UMODL1: variants seen among roughly 807,000 people sequenced by gnomAD.
The protein encoded by UMODL1 is uromodulin-like 1.
UMODL1 carries 128 observed loss-of-function variants against 136.3 expected under a neutral mutation model. The observed-to-expected ratio is 0.94, with a 90% CI of 0.81 to 1.09. The LOEUF is 1.09. Ranked by LOEUF, UMODL1 falls within the 50% of genes least tolerant of loss-of-function variation. The probability of loss-of-function intolerance (pLI) is 0.00; values close to 1 mark genes in which losing one functional copy is unlikely to be tolerated. For missense variants in UMODL1, 1,766 were observed against 1,725.6 expected (o/e 1.02, Z -0.41); for synonymous variants, 721 against 720.0 (o/e 1.00, Z -0.02).
chr21:42,111,122 G>A lies in UMODL1; in HGVS notation c.1899+1G>A, dbSNP rs1367662345. On this transcript the variant is annotated splice_donor_variant, in intron 11 of 22. Coordinates refer to ENST00000408910, the MANE Select transcript of UMODL1 (RefSeq NM_001004416.3). LOFTEE classifies it high-confidence loss of function. ...CACAGGAAAAGGCGTGGAGCAGGAG[G>A]TGCCCAGCACTGCCCCGGGTCTGGG... 1.2e-6 allele frequency: 2 copies of A among 1,607,294 alleles called. No individual in the cohort carries two copies. Among genetic ancestry groups the A allele is most frequent in the Non-Finnish European group, 1.7e-6 (2 of 1,177,260 alleles).
At chr21:42,129,174 C>T (rs546208435) in intron 20 of UMODL1, among the ~76,000 whole-genome samples, 2 of 152,256 alleles carry the variant, frequency 1.3e-5, no homozygotes, top group East Asian at 3.9e-4. Context: ...ATGACCTCAG[C>T]TTGATGATCT....
chr21:42,105,032 A>G (rs1569157576), intron 9 of UMODL1, among the ~76,000 whole-genome samples: 1 of 152,212 alleles, frequency 6.6e-6, no homozygotes, highest in Non-Finnish European at 1.5e-5. Flanking sequence ...CTTGGAGCTC[A>G]GCCACGTGCT....
intron 6 of UMODL1, among the ~76,000 whole-genome samples, chr21:42,093,116 G>A (rs2066512179): frequency 6.6e-6 from 1 of 152,268 alleles, no homozygotes; most frequent in Non-Finnish European, 1.5e-5. Flanking sequence ...GAGTTGGGTA[G>A]AGCTCCAGAA....
Position 42,127,762 on chromosome 21 carries a change from C to A in UMODL1, c.3621C>A (p.Asn1207Lys), listed in dbSNP as rs186094454. The A allele has an allele frequency of 1.9e-6, 3 of 1,614,200 alleles. No homozygotes were observed. The South Asian group carries it at 3.3e-5, about 18-fold the overall frequency. Residue 1207 changes from asparagine (N) to lysine (K), a missense_variant, in exon 20 of 23, where the codon AAC (asparagine) becomes AAA (lysine). Coordinates refer to ENST00000408910, the MANE Select transcript of UMODL1 (RefSeq NM_001004416.3). ...QFKLRIFSFI[N>K]DSIVYLHCKL... The stretch of plus-strand genomic sequence containing the variant: ...AGCTGAGGATCTTTTCCTTTATCAA[C>A]GACTCCATCGTCTACCTGCACTGCA...
chr21:42,121,048 A>C, intron 15 of UMODL1, 39 bp from the exon 16 acceptor site: 1 of 1,589,004 alleles, frequency 6.3e-7, no homozygotes, highest in Non-Finnish European at 8.6e-7. Flanking sequence ...ACAAGCCCCC[A>C]GGGATGTTCT....
intron 9 of UMODL1, among the ~76,000 whole-genome samples, chr21:42,105,992 G>T (rs1466536725): frequency 2.0e-5 from 3 of 152,234 alleles, no homozygotes; most frequent in Non-Finnish European, 4.4e-5. Context: ...TGCCCGGCAG[G>T]GTCCCGGGCA....
intron 18 of UMODL1, 42 bp from the exon 19 acceptor site, chr21:42,126,964 G>A (rs747634639): frequency 8.0e-6 from 12 of 1,509,054 alleles, no homozygotes; most frequent in East Asian, 6.8e-5. Context: ...ACGATAATGC[G>A]CCTCCTGAAA....
chr21:42,086,442 GGGCTGCT>G, intron 4 of UMODL1: 1 of 444,652 alleles, frequency 2.2e-6, no homozygotes, highest in Middle Eastern at 6.7e-4. Context: ...ATGTTGTTCT[GGGCTGCT>G]GGCCAGTGAG....
intron 1 of UMODL1, among the ~76,000 whole-genome samples, 189 bp from the exon 2 acceptor site, chr21:42,075,816 G>T (rs2066283421): frequency 6.6e-6 from 1 of 152,272 alleles, no homozygotes; most frequent in Non-Finnish European, 1.5e-5. Context: ...GCTCACTCAT[G>T]CAACAGCCTT....
rs1329405448 is a variant in UMODL1 at position 42,122,735 on chromosome 21, G to C, written c.2828-96G>C. On this transcript the variant is annotated intron_variant, in intron 16 of 22. Coordinates refer to ENST00000408910, the MANE Select transcript of UMODL1 (RefSeq NM_001004416.3). The surrounding 1 kb of genome is among the most constrained non-coding windows in gnomAD (Gnocchi z 4.3). The stretch of plus-strand genomic sequence containing the variant: ...GGTTCCCAGGTGTGGCTGCTGCAGA[G>C]TGCAGGGCAGCTCCAGTCTGCTCCT... 1 of 1,290,514 alleles carries C rather than the reference G, an allele frequency of 7.7e-7. No individual in the cohort carries two copies. Among genetic ancestry groups the C allele is most frequent in the Admixed American group, 2.7e-5 (1 of 36,886 alleles). The allele number at this position is 1,290,514 out of a possible 1,614,324, so 79.9% of individuals were successfully genotyped here.
At chr21:42,111,385 G>A (rs368388948) in intron 11 of UMODL1, 121 bp from the exon 12 acceptor site, 69 of 1,611,994 alleles carry the variant, frequency 4.3e-5, no homozygotes, top group South Asian at 1.5e-4. Context: ...CCAGCCAGGC[G>A]AGCCCCAGCC....
At chr21:42,069,909 G>A (rs993117163), upstream of UMODL1, among the ~76,000 whole-genome samples, 5 of 151,804 alleles carry the variant, frequency 3.3e-5, no homozygotes, top group African/African-American at 1.2e-4. Context: ...TATTCTTTTC[G>A]TATGAAAACG....
At chr21:42,092,890 C>T (rs1055222283) in intron 6 of UMODL1, among the ~76,000 whole-genome samples, 5 of 151,894 alleles carry the variant, frequency 3.3e-5, no homozygotes, top group Non-Finnish European at 5.9e-5. Context: ...TTGAGGGGGA[C>T]GAAGGTGATT....
chr21:42,121,759 C>T (rs972166270), intron 16 of UMODL1, among the ~76,000 whole-genome samples: 6 of 152,134 alleles, frequency 3.9e-5, no homozygotes, highest in South Asian at 2.1e-4. Context: ...GGCTATAGAA[C>T]GTGTCCTGCT....
chr21:42,141,679 C>T (rs1294080971), intron 22 of UMODL1, among the ~76,000 whole-genome samples: 1 of 152,232 alleles, frequency 6.6e-6, no homozygotes, highest in Non-Finnish European at 1.5e-5. Context: ...TTCCTGCAGA[C>T]ATCTGCTCTT....
In UMODL1 at chr21:42,088,273, ACT is replaced by A. The variant is rs748457152; in HGVS notation, c.604-18_604-17del. Reference sequence around the variant, plus strand: ...ACGGGGTGTCCTTCTGCTGTGTGACACTCTGATTCTGCCTTCACAGGTCACCA... The same window carrying A: ...ACGGGGTGTCCTTCTGCTGTGTGACACTGATTCTGCCTTCACAGGTCACCA... On this transcript the variant is annotated intron_variant, in intron 4 of 22. Coordinates refer to ENST00000408910, the MANE Select transcript of UMODL1 (RefSeq NM_001004416.3). 6 of 1,603,462 alleles carry A rather than the reference ACT, an allele frequency of 3.7e-6. No individual in the cohort carries two copies. In the African/African-American group the frequency reaches 6.7e-5, roughly 18 times the overall value.
intron 9 of UMODL1, among the ~76,000 whole-genome samples, chr21:42,107,177 A>G (rs2066733076): frequency 6.6e-6 from 1 of 152,014 alleles, no homozygotes; most frequent in African/African-American, 2.4e-5. Context: ...CTCTCAGGAG[A>G]GATTCTCATA....
At chr21:42,134,155 A>T (rs1293265705) in intron 21 of UMODL1, among the ~76,000 whole-genome samples, 2 of 152,150 alleles carry the variant, frequency 1.3e-5, no homozygotes, top group Non-Finnish European at 2.9e-5. Flanking sequence ...TCCTGACCTC[A>T]TGATCTACCC....
rs1555922532 is a variant in UMODL1 at position 42,095,089 on chromosome 21, G to GGTT, written c.932-3837_932-3836insGTT. Among the ~76,000 whole-genome samples the GGTT allele has an allele frequency of 2.6e-3, 158 of 61,218 alleles. 2 individuals carry two copies. Among genetic ancestry groups the GGTT allele is most frequent in the African/African-American group, 3.9e-3 (62 of 15,898 alleles). The allele number at this position is 61,218 out of a possible 152,430, so 40.2% of individuals were successfully genotyped here. A position where few individuals can be genotyped will look rare whatever the true frequency, so the allele number is the denominator to read the frequency against. ...CATCACTCCTTTGTTTTCTTCTGCT[G>GGTT]TTTTTTTTTTTTTTTTTTTTTTTGA... On this transcript the variant is annotated intron_variant, in intron 6 of 22. Transcript: ENST00000408910.
Sources: allele counts gnomAD v4.1 joint callset (sites outside exome capture counted in the v4.1 genomes callset), GRCh38; gene constraint gnomAD v4.1.1; non-coding constraint Gnocchi (gnomAD v3.1); transcripts MANE v1.5; gene names NCBI Gene and HGNC (gene_info 2026-07-23, HGNC 2026-07-21).